Variants in ITIH1 observed in about 807,000 individuals in gnomAD.
ITIH1 encodes the protein inter-alpha-trypsin inhibitor heavy chain H1.
In ITIH1, 94 loss-of-function variants were observed where a neutral mutation model predicts 104.6. The observed-to-expected ratio is 0.90, with a 90% confidence interval of 0.76 to 1.07. The LOEUF (loss-of-function observed/expected upper bound fraction) is 1.07. Among genes scored for constraint, ITIH1 ranks in the 50% least tolerant of loss-of-function variants. The pLI is 0.00. For missense variants in ITIH1, 1,193 were observed against 1,181.4 expected (o/e 1.01, Z -0.14); for synonymous variants, 455 against 464.4 (o/e 0.98, Z 0.26).
rs1336610207 is a variant in ITIH1 at position 52,777,722 on chromosome 3, A to T, written c.107A>T (p.Lys36Met). 6.3e-7 allele frequency: 1 copy of T among 1,586,984 alleles called. No individual in the cohort carries two copies. The highest frequency in any genetic ancestry group is 8.6e-7 in the Non-Finnish European group (1 of 1,167,534). Reference sequence around the variant, plus strand: ...CTGGGCTCGGCTACAGGCAGGTCCAAGAGCAGCGAGGTATATGGCTAAGCC... The same window carrying T: ...CTGGGCTCGGCTACAGGCAGGTCCATGAGCAGCGAGGTATATGGCTAAGCC... The part of the protein sequence containing the change: ...PALGSATGRS[K>M]SSEKRQAVDT... The change falls in exon 1 of 22, where the codon AAG becomes ATG. Residue 36 changes from lysine to methionine, a missense_variant. Physicochemically the swap from Lys to Met is moderately conservative, Grantham distance 95. Transcript: ENST00000273283.
At position 52,791,926 on chromosome 3, in the gene ITIH1, A is replaced by G; in HGVS notation, c.*15A>G. On this transcript the variant is annotated 3_prime_UTR_variant, in exon 22 of 22. Coordinates refer to ENST00000273283, the MANE Select transcript of ITIH1 (RefSeq NM_002215.4). ...ACATCTTCTGAGCCCTCTGGCCAGCACGCCTGTCCTCCCCCGGGGCCAAGG... is the reference window on the plus strand; with the variant it reads ...ACATCTTCTGAGCCCTCTGGCCAGCGCGCCTGTCCTCCCCCGGGGCCAAGG... 1.2e-6 allele frequency: 2 copies of G among 1,604,530 alleles called. No individual in the cohort carries two copies. The highest frequency in any genetic ancestry group is 2.2e-5 in the East Asian group (1 of 44,728).
At chr3:52,791,414 A>C in intron 20 of ITIH1, 103 bp from the exon 21 acceptor site, 1 of 838,508 alleles carries the variant, frequency 1.2e-6, no homozygotes, top group Admixed American at 2.4e-5. Context: ...CCTGGAAAAA[A>C]AGCGGTCCAG....
rs375945367 is a variant in ITIH1 at position 52,790,746 on chromosome 3, C to T, written c.2322-3C>T. The T allele has an allele frequency of 4.3e-6, 7 of 1,610,940 alleles. No homozygotes were observed. In the African/African-American group the frequency reaches 9.4e-5, roughly 22 times the overall value. On this transcript the variant is annotated splice_region_variant and splice_polypyrimidine_tract_variant and intron_variant, in intron 19 of 21. Transcript: ENST00000273283. ...CTGCCCTCTCGGCCACCTGGCTCTGCAGGGTGGTGGTGACCATCAACAAGA... is the reference window on the plus strand; with the variant it reads ...CTGCCCTCTCGGCCACCTGGCTCTGTAGGGTGGTGGTGACCATCAACAAGA...
chr3:52,789,672 G>C lies in ITIH1; in HGVS notation c.2139G>C (p.Gln713His). The C allele has an allele frequency of 6.2e-7, 1 of 1,614,186 alleles. No homozygotes were observed. Among genetic ancestry groups the C allele is most frequent in the Non-Finnish European group, 8.5e-7 (1 of 1,180,036 alleles). Residue 713 changes from glutamine (Q) to histidine (H), a missense_variant, in exon 19 of 22, where the codon CAG becomes CAC. Coordinates refer to ENST00000273283, the MANE Select transcript of ITIH1 (RefSeq NM_002215.4). ...TTGCAGGCTTCTCAGTGAATGGACAGCTCATTGGCAACAAGGCCAGGAGCC... is the reference window on the plus strand; with the variant it reads ...TTGCAGGCTTCTCAGTGAATGGACACCTCATTGGCAACAAGGCCAGGAGCC... ...DPNTGFSVNG[Q>H]LIGNKARSPG... is the part of the protein sequence containing the mutation.
chr3:52,784,907 C>T, intron 11 of ITIH1, 137 bp from the exon 12 acceptor site: 3 of 786,634 alleles, frequency 3.8e-6, no homozygotes, highest in South Asian at 1.8e-5. Flanking sequence ...AGCATGACCT[C>T]GAGCCAGCTA....
At chr3:52,783,684 A>G (rs1261600409) in intron 10 of ITIH1, among the ~76,000 whole-genome samples, 1 of 152,142 alleles carries the variant, frequency 6.6e-6, no homozygotes, top group Non-Finnish European at 1.5e-5. Flanking sequence ...CTGAAATACC[A>G]AGGGAACAAG....
intron 21 of ITIH1, 63 bp downstream of exon 21, chr3:52,791,691 C>T (rs1699360676): frequency 1.2e-6 from 2 of 1,607,824 alleles, no homozygotes; most frequent in South Asian, 2.2e-5. Context: ...CCAGGTCTTC[C>T]TCCAGGTGTC....
intron 12 of ITIH1, 140 bp downstream of exon 12, chr3:52,785,369 AC>A: frequency 1.3e-6 from 1 of 767,024 alleles, no homozygotes; most frequent in Non-Finnish European, 2.0e-6. Flanking sequence ...TGCCACATAC[AC>A]CCCAGGCCTG....
intron 19 of ITIH1, chr3:52,790,272 A>G: frequency 3.9e-6 from 1 of 259,584 alleles, no homozygotes. Flanking sequence ...TAATTCGTTC[A>G]TTCATTCATT....
intron 20 of ITIH1, 148 bp downstream of exon 20, chr3:52,791,069 G>T: frequency 2.6e-6 from 2 of 765,886 alleles, no homozygotes; most frequent in Admixed American, 6.5e-5. Flanking sequence ...CCGTCTGAGG[G>T]GCTGTGTTGG....
At chr3:52,790,664 G>A in intron 19 of ITIH1, 85 bp from the exon 20 acceptor site, 2 of 1,417,994 alleles carry the variant, frequency 1.4e-6, no homozygotes, top group Non-Finnish European at 2.0e-6. Flanking sequence ...TGGTCATAAG[G>A]GTTGGGTCCC....
At chr3:52,780,939 A>G (rs1699018554) in intron 6 of ITIH1, among the ~76,000 whole-genome samples, 1 of 152,162 alleles carries the variant, frequency 6.6e-6, no homozygotes, top group African/African-American at 2.4e-5. Flanking sequence ...CTTGCCCCCA[A>G]CCCGAGCCAG....
At position 52,786,355 on chromosome 3, in the gene ITIH1, C is replaced by A. The variant is rs141663768; in HGVS notation, c.1654C>A (p.Arg552=). 1.9e-6 allele frequency: 3 copies of A among 1,576,906 alleles called. No homozygotes were observed. The highest frequency in any genetic ancestry group is 2.3e-5 in the East Asian group (1 of 43,232). Residue 552 remains arginine, a synonymous_variant, in exon 13 of 22, where the codon CGA becomes AGA. Coordinates refer to ENST00000273283, the MANE Select transcript of ITIH1 (RefSeq NM_002215.4). ...VDEEEMKKLL[R]ERGHMLENHV... is the part of the protein sequence containing the mutation. ...TGAGGAGGAGATGAAGAAACTGCTC[C>A]GAGAGCGTGGCCACATGCTGGAGAA...
At chr3:52,782,352 T>C (rs1180774693) in intron 8 of ITIH1, 85 bp downstream of exon 8, 24 of 1,063,980 alleles carry the variant, frequency 2.3e-5, no homozygotes, top group East Asian at 7.1e-5. Flanking sequence ...TGCCAGAGTC[T>C]GGTTTGGGAT....
intron 3 of ITIH1, 84 bp from the exon 4 acceptor site, chr3:52,778,858 C>T: frequency 8.7e-7 from 1 of 1,155,100 alleles, no homozygotes; most frequent in Non-Finnish European, 1.3e-6. Flanking sequence ...CGTCCTTATC[C>T]AAGGGCTCAC....
In ITIH1 at chr3:52,787,083, C is replaced by G. The variant is rs374514081; in HGVS notation, c.1872C>G (p.Ile624Met). 6.2e-7 allele frequency: 1 copy of G among 1,614,054 alleles called. No individual in the cohort carries two copies. Residue 624 changes from isoleucine to methionine, a missense_variant, in exon 14 of 22, where the codon ATC (isoleucine) becomes ATG (methionine). Physicochemically the swap from Ile to Met is conservative, Grantham distance 10 (BLOSUM62 1). Transcript: ENST00000273283. Reference sequence around the variant, plus strand: ...ACCAGGACGGCCTGAAGCCCACCATCGACAAGCCCTCAGAGGGTATAGGCT... The same window carrying G: ...ACCAGGACGGCCTGAAGCCCACCATGGACAAGCCCTCAGAGGGTATAGGCT... ...MADQDGLKPT[I>M]DKPSEDSPPL...
At chr3:52,788,209 C>T (rs746020073) in intron 17 of ITIH1, 23 bp from the exon 18 acceptor site, 21 of 1,577,488 alleles carry the variant, frequency 1.3e-5, no homozygotes, top group East Asian at 6.7e-5. Context: ...TCCAATCTAA[C>T]GAATTCCATG....
chr3:52,787,289 C>T, intron 15 of ITIH1, 87 bp downstream of exon 15: 2 of 1,543,794 alleles, frequency 1.3e-6, no homozygotes, highest in Non-Finnish European at 8.9e-7. Context: ...CGCAGCTCCC[C>T]ATCCCCATTC....
Position 52,789,769 on chromosome 3 carries a change from G to T in ITIH1, c.2236G>T (p.Val746Leu). ...ANPATDFQLEVTPQNITLNPG... is the reference protein window; with the variant it reads ...ANPATDFQLELTPQNITLNPG... The stretch of plus-strand genomic sequence containing the variant: ...CCCTGCCACGGACTTTCAGTTGGAA[G>T]TGACTCCTCAGAACATTACGCTGAA... Residue 746 changes from valine to leucine, a missense_variant, in exon 19 of 22, where the codon GTG becomes TTG. By Grantham distance (32) the Val-to-Leu change is conservative. Coordinates refer to ENST00000273283, the MANE Select transcript of ITIH1 (RefSeq NM_002215.4). 6.2e-7 allele frequency: 1 copy of T among 1,614,258 alleles called. No individual in the cohort carries two copies. Among genetic ancestry groups the T allele is most frequent in the African/African-American group, 1.3e-5 (1 of 75,074 alleles).
Sources: allele counts gnomAD v4.1 joint callset (sites outside exome capture counted in the v4.1 genomes callset), GRCh38; gene constraint gnomAD v4.1.1; transcripts MANE v1.5; gene names NCBI Gene and HGNC (gene_info 2026-07-23, HGNC 2026-07-21).